SUGCT: variants seen among roughly 807,000 people sequenced by gnomAD.
SUGCT encodes succinyl-CoA:glutarate CoA-transferase.
SUGCT carries 41 observed loss-of-function variants against 55.0 expected under a neutral mutation model. The observed-to-expected ratio is 0.74, with a 90% CI of 0.58 to 0.97. The LOEUF is 0.97. Ranked by LOEUF, SUGCT falls within the 50% of genes least tolerant of loss-of-function variation. SUGCT has a pLI of 0.00. For synonymous variants in SUGCT, 187 were observed against 200.4 expected (o/e 0.93, Z 0.56); for missense variants, 568 against 547.8 (o/e 1.04, Z -0.37).
chr7:40,465,417 C>T (rs1296587744), intron 11 of SUGCT, among the ~76,000 whole-genome samples: 1 of 152,022 alleles, frequency 6.6e-6, no homozygotes, highest in Non-Finnish European at 1.5e-5. Context: ...CGAGACCAGC[C>T]TGGCCAACAT....
At chr7:40,895,708 T>C in the SUGCT span, among the ~76,000 whole-genome samples, 2 of 152,052 alleles carry the variant, frequency 1.3e-5, no homozygotes, top group African/African-American at 4.8e-5. Context: ...AAAAGCAATC[T>C]GAAAATGTGT....
At chr7:40,260,872 C>T (rs1384080668) in intron 7 of SUGCT, among the ~76,000 whole-genome samples, 1 of 151,612 alleles carries the variant, frequency 6.6e-6, no homozygotes, top group Non-Finnish European at 1.5e-5. Context: ...CTCAGGTGAT[C>T]CACCCACCTT....
intron 13 of SUGCT, among the ~76,000 whole-genome samples, chr7:40,753,259 G>A (rs1418607424): frequency 6.6e-6 from 1 of 152,046 alleles, no homozygotes; most frequent in Non-Finnish European, 1.5e-5. Flanking sequence ...TCTTTGTTGG[G>A]GATGTTCCCA....
At chr7:40,972,220 C>T in the SUGCT span, among the ~76,000 whole-genome samples, 2 of 152,334 alleles carry the variant, frequency 1.3e-5, no homozygotes, top group Non-Finnish European at 2.9e-5. Context: ...CTGCACTCTA[C>T]CTTGTGTATC....
intron 9 of SUGCT, among the ~76,000 whole-genome samples, chr7:40,439,954 T>G (rs1370163728): frequency 6.6e-6 from 1 of 152,130 alleles, no homozygotes; most frequent in East Asian, 1.9e-4. Context: ...GTAGGCATTC[T>G]TCAGTCCTCA....
At position 40,693,167 on chromosome 7, in the gene SUGCT, C is replaced by T. The variant is rs544635720; in HGVS notation, c.1090-56267C>T. Among the ~76,000 whole-genome samples the T allele has an allele frequency of 4.6e-5, 7 of 152,298 alleles. 1 individual carries two copies. The South Asian group carries it at 1.5e-3, about 32-fold the overall frequency. On this transcript the variant is annotated intron_variant, in intron 12 of 13. Transcript: ENST00000335693. ...CTCTTCACAGTCATTTCCCCCAGTA[C>T]ATTATTTTGTGAGTGATTATGAGCC...
chr7:40,322,784 T>C (rs1795821777), intron 9 of SUGCT, among the ~76,000 whole-genome samples: 2 of 151,776 alleles, frequency 1.3e-5, no homozygotes, highest in Admixed American at 1.3e-4. Context: ...GAGACCTGTC[T>C]CTCAAATAAA....
chr7:40,175,509 C>T (rs1342443563), intron 1 of SUGCT, among the ~76,000 whole-genome samples: 5 of 152,120 alleles, frequency 3.3e-5, no homozygotes, highest in Non-Finnish European at 7.4e-5. Context: ...TGTGAATCAC[C>T]GCACCTGGAC....
intron 13 of SUGCT, among the ~76,000 whole-genome samples, chr7:40,789,271 C>T (rs920730716): frequency 6.6e-6 from 1 of 152,118 alleles, no homozygotes; most frequent in Non-Finnish European, 1.5e-5. Context: ...TCCCATTCCC[C>T]TCCCTCTTAG....
chr7:40,770,842 A>G (rs531186981), intron 13 of SUGCT, among the ~76,000 whole-genome samples: 1 of 152,334 alleles, frequency 6.6e-6, no homozygotes, highest in South Asian at 2.1e-4. Context: ...ACATCCTGTG[A>G]ATACCTTCAC....
chr7:40,511,986 T>A (rs573037586), intron 12 of SUGCT, among the ~76,000 whole-genome samples: 1 of 152,172 alleles, frequency 6.6e-6, no homozygotes, highest in East Asian at 1.9e-4. Flanking sequence ...CTCCACACAA[T>A]TGTAGTTGAT....
chr7:40,304,627 A>G (rs916330893), intron 8 of SUGCT, among the ~76,000 whole-genome samples: 2 of 150,920 alleles, frequency 1.3e-5, no homozygotes, highest in African/African-American at 2.4e-5. Flanking sequence ...CCAGCATATC[A>G]TTCTTATGTC....
At chr7:40,898,686 G>C in the SUGCT span, among the ~76,000 whole-genome samples, 4 of 151,704 alleles carry the variant, frequency 2.6e-5, no homozygotes, top group Non-Finnish European at 5.9e-5. Context: ...ATCGCGCCGC[G>C]AGACTCCGTC....
At chr7:40,354,707 G>A (rs1797806880) in intron 9 of SUGCT, among the ~76,000 whole-genome samples, 1 of 152,200 alleles carries the variant, frequency 6.6e-6, no homozygotes, top group Non-Finnish European at 1.5e-5. Flanking sequence ...TGAATATTAT[G>A]TGCTAATGCA....
the SUGCT span, among the ~76,000 whole-genome samples, chr7:40,894,059 G>A: frequency 0.74 from 108,737 of 146,160 alleles, 40,265 homozygotes; most frequent in African/African-American, 0.8. Context: ...GTCTTAAGAA[G>A]AAAAAAAAAA....
chr7:40,813,535 T>C (rs1791525648), intron 13 of SUGCT, among the ~76,000 whole-genome samples: 1 of 152,182 alleles, frequency 6.6e-6, no homozygotes, highest in Non-Finnish European at 1.5e-5. Flanking sequence ...GGGAAGCAAC[T>C]TGTGCTCTCT....
At chr7:40,904,162 G>A in the SUGCT span, among the ~76,000 whole-genome samples, 549 of 152,294 alleles carry the variant, frequency 3.6e-3, 6 homozygotes, top group African/African-American at 9.5e-3. Context: ...AAGTAGCAGC[G>A]AGTACTTTTA....
chr7:40,368,990 G>A lies in SUGCT; in HGVS notation c.816+52135G>A, dbSNP rs552307640. 1.5e-4 allele frequency among the ~76,000 whole-genome samples: 23 copies of A among 152,192 alleles called. No homozygotes were observed. In the South Asian group the frequency reaches 3.9e-3, roughly 26 times the overall value. On this transcript the variant is annotated intron_variant, in intron 9 of 13. Coordinates refer to ENST00000335693, the MANE Select transcript of SUGCT (RefSeq NM_001193313.2). ...ATGGTGGCGGGTGCCTGTAATCCCA[G>A]CTACTTGGGAGGCTGAGGCAGAAGA... is the stretch of plus-strand genomic sequence containing the variant.
chr7:40,333,856 A>G (rs1325253347), intron 9 of SUGCT, among the ~76,000 whole-genome samples: 1 of 150,282 alleles, frequency 6.7e-6, no homozygotes, highest in Non-Finnish European at 1.5e-5. Context: ...GCACCCATTA[A>G]CTCGTCATTT....
Sources: gnomAD v4.1 joint callset for allele counts (sites outside exome capture counted in the v4.1 genomes callset) on GRCh38, gnomAD v4.1.1 for gene constraint, MANE v1.5 for transcripts, NCBI Gene and HGNC (gene_info 2026-07-23, HGNC 2026-07-21) for gene names.